IRAG1: variants seen among roughly 807,000 people sequenced by gnomAD.
IRAG1 encodes the protein inositol 1,4,5-triphosphate receptor associated 1.
A neutral mutation model predicts 106.2 loss-of-function variants in IRAG1; 62 were observed. The observed-to-expected ratio is 0.58, with a 90% CI of 0.48 to 0.72. The LOEUF (loss-of-function observed/expected upper bound fraction) is 0.72. Ranked by LOEUF, IRAG1 falls within the 30% of genes least tolerant of loss-of-function variation. The pLI is 0.00. For synonymous variants in IRAG1, 462 were observed against 443.9 expected (o/e 1.04, Z -0.51); for missense variants, 1,064 against 1,140.7 (o/e 0.93, Z 0.97).
intron 10 of IRAG1, among the ~76,000 whole-genome samples, chr11:10,616,299 A>AG (rs1328949458): frequency 1.2e-4 from 18 of 151,800 alleles, no homozygotes; most frequent in Non-Finnish European, 2.5e-4. Context: ...TCAAAAAAAA[A>AG]AAAAAAGAAA....
At position 10,576,109 on chromosome 11, in the gene IRAG1, A is replaced by G. The variant is rs979715217; in HGVS notation, c.*223T>C. 7 of 572,498 alleles carry G rather than the reference A, an allele frequency of 1.2e-5. No homozygotes were observed. The highest frequency in any genetic ancestry group is 2.1e-5 in the Non-Finnish European group (7 of 325,936). The allele number at this position is 572,498 out of a possible 1,614,324, so 35.5% of individuals were successfully genotyped here. On this transcript the variant is annotated 3_prime_UTR_variant, in exon 21 of 21. Coordinates refer to ENST00000423302, the MANE Select transcript of IRAG1 (RefSeq NM_130385.4). The stretch of plus-strand genomic sequence containing the variant: ...GTTCCTTGGTGAAGGTGACTTCTTC[A>G]TCCACTGGATGCTTTCCCAGGGCAG...
At chr11:10,687,580 C>G in intron 1 of IRAG1, 2 of 995,674 alleles carry the variant, frequency 2.0e-6, no homozygotes, top group Non-Finnish European at 2.6e-6. Context: ...GAATTCCCAA[C>G]AAGCCTTAAA....
rs1440756561 is a variant in IRAG1 at position 10,580,517 on chromosome 11, C to T, written c.2433G>A (p.Glu811=). The part of the protein sequence containing the change: ...LKEEEEEQKS[E]SPEEPEEVEE... ...CTACCTCTTCAGGTTCCTCAGGACT[C>T]TCACTCTTCTGTTCTTCCTCCTCCT... The change falls in exon 20 of 21, where the codon GAG becomes GAA. Residue 811 remains glutamate (E), a synonymous_variant. Transcript: ENST00000423302. The T allele has an allele frequency of 6.2e-7, 1 of 1,613,950 alleles. No individual in the cohort carries two copies. The highest frequency in any genetic ancestry group is 8.5e-7 in the Non-Finnish European group (1 of 1,179,852).
intron 8 of IRAG1, 149 bp downstream of exon 8, chr11:10,627,567 G>T: frequency 1.3e-6 from 1 of 789,234 alleles, no homozygotes. Flanking sequence ...CTATAAGGCA[G>T]GGGAATCTGC....
chr11:10,691,432 C>G (rs998215664), intron 1 of IRAG1, among the ~76,000 whole-genome samples: 12 of 152,036 alleles, frequency 7.9e-5, no homozygotes, highest in African/African-American at 2.7e-4. Context: ...AGCTGAGGAC[C>G]CATCACGTAT....
chr11:10,677,469 T>C (rs1860776571), intron 1 of IRAG1, among the ~76,000 whole-genome samples: 1 of 152,178 alleles, frequency 6.6e-6, no homozygotes, highest in African/African-American at 2.4e-5. Flanking sequence ...AGACCCTCCC[T>C]GAATTTGCTG....
chr11:10,684,398 A>G (rs1321519185), intron 1 of IRAG1, among the ~76,000 whole-genome samples: 1 of 151,952 alleles, frequency 6.6e-6, no homozygotes, highest in African/African-American at 2.4e-5. Flanking sequence ...ATAGATGGGA[A>G]TTGAACAATG....
intron 1 of IRAG1, among the ~76,000 whole-genome samples, chr11:10,669,341 A>G (rs1057460405): frequency 6.6e-6 from 1 of 152,186 alleles, no homozygotes; most frequent in Non-Finnish European, 1.5e-5. Context: ...CAGTTTCTGT[A>G]TAACAACTTC....
Position 10,665,780 on chromosome 11 carries a change from T to C in IRAG1, c.68-13598A>G, listed in dbSNP as rs1180204815. Among the ~76,000 whole-genome samples, 1 of 152,186 alleles carries C rather than the reference T, an allele frequency of 6.6e-6. No individual in the cohort carries two copies. Among genetic ancestry groups the C allele is most frequent in the African/African-American group, 2.4e-5 (1 of 41,440 alleles). ...CTGTGGATCTTGGCCAGGGTCTTTT[T>C]TTCACCAATAGACTCTGAGCTGAAC... On this transcript the variant is annotated intron_variant, in intron 1 of 20. Coordinates refer to ENST00000423302, the MANE Select transcript of IRAG1 (RefSeq NM_130385.4). The surrounding 1 kb of genome is among the most constrained non-coding windows in gnomAD (Gnocchi z 4.2).
At position 10,593,483 on chromosome 11, in the gene IRAG1, C is replaced by T. The variant is rs1185722955; in HGVS notation, c.2175+9G>A. ...TTCTGTGCTGGGAGGCAGACATCGT[C>T]ATACTTACCAAGGCTGGTAAGGAGG... On this transcript the variant is annotated intron_variant, in intron 17 of 20. Coordinates refer to ENST00000423302, the MANE Select transcript of IRAG1 (RefSeq NM_130385.4). 6.2e-7 allele frequency: 1 copy of T among 1,610,182 alleles called. No homozygotes were observed. The highest frequency in any genetic ancestry group is 1.7e-5 in the Admixed American group (1 of 59,996).
intron 2 of IRAG1, among the ~76,000 whole-genome samples, chr11:10,639,124 T>C (rs1358498171): frequency 6.6e-6 from 1 of 152,166 alleles, no homozygotes; most frequent in East Asian, 1.9e-4. Flanking sequence ...TTCACCACAT[T>C]GGTCAGGCTG....
At chr11:10,584,896 T>C (rs1318043372) in intron 18 of IRAG1, among the ~76,000 whole-genome samples, 1 of 152,114 alleles carries the variant, frequency 6.6e-6, no homozygotes, top group Admixed American at 6.6e-5. Context: ...ATTATTATTG[T>C]TATATAGTAA....
chr11:10,691,666 C>T (rs1454668683), intron 1 of IRAG1, among the ~76,000 whole-genome samples: 1 of 152,128 alleles, frequency 6.6e-6, no homozygotes, highest in Admixed American at 6.5e-5. Flanking sequence ...CCACTGTCCT[C>T]ACCTGGAGCA....
chr11:10,620,103 A>C (rs188369015), intron 10 of IRAG1, among the ~76,000 whole-genome samples: 1 of 152,204 alleles, frequency 6.6e-6, no homozygotes, highest in East Asian at 1.9e-4. Flanking sequence ...CAAGTCTAGA[A>C]TAGTAGCCCA....
intron 10 of IRAG1, among the ~76,000 whole-genome samples, chr11:10,615,906 C>A (rs1855367853): frequency 7.8e-6 from 1 of 128,742 alleles, no homozygotes; most frequent in African/African-American, 2.6e-5. Flanking sequence ...ACGTTGTGCA[C>A]ATGTACCTTA....
chr11:10,630,588 C>T (rs1856619796), intron 4 of IRAG1, among the ~76,000 whole-genome samples: 1 of 152,198 alleles, frequency 6.6e-6, no homozygotes, highest in South Asian at 2.1e-4. Context: ...CCCCCACTGC[C>T]TATCAGAGTG....
chr11:10,687,517 C>A, intron 1 of IRAG1: 1 of 468,958 alleles, frequency 2.1e-6, no homozygotes, highest in Non-Finnish European at 3.2e-6. Flanking sequence ...GCCTGTTGAT[C>A]CAAACACTTT....
intron 1 of IRAG1, among the ~76,000 whole-genome samples, chr11:10,655,135 T>C (rs1858820562): frequency 6.6e-6 from 1 of 152,208 alleles, no homozygotes; most frequent in South Asian, 2.1e-4. Context: ...ATAGGAAACC[T>C]TTTAAAATTA....
intron 1 of IRAG1, among the ~76,000 whole-genome samples, chr11:10,660,152 G>C (rs962006878): frequency 6.6e-5 from 10 of 152,198 alleles, no homozygotes; most frequent in Non-Finnish European, 1.5e-4. Flanking sequence ...CTTTAGTGGT[G>C]CACAGGAGCC....
Sources: allele counts gnomAD v4.1 joint callset (sites outside exome capture counted in the v4.1 genomes callset), GRCh38; gene constraint gnomAD v4.1.1; non-coding constraint Gnocchi (gnomAD v3.1); transcripts MANE v1.5; gene names NCBI Gene and HGNC (gene_info 2026-07-23, HGNC 2026-07-21).